The following CACNA1E variants were observed in gnomAD, a reference collection of about 807,000 sequenced individuals.
CACNA1E encodes the protein calcium voltage-gated channel subunit alpha1 E.
CACNA1E carries 40 observed loss-of-function variants against 259.2 expected under a neutral mutation model. That is an observed-to-expected ratio of 0.15 (90% CI 0.12 to 0.20). The LOEUF is 0.20. Ranked by LOEUF, CACNA1E falls within the 10% of genes least tolerant of loss-of-function variation. The pLI is 1.00. For synonymous variants in CACNA1E, 1,104 were observed against 1,138.5 expected (o/e 0.97, Z 0.61); for missense variants, 1,874 against 3,040.1 (o/e 0.62, Z 9.02).
At chr1:181,518,982 C>T (rs542863188) in intron 3 of CACNA1E, among the ~76,000 whole-genome samples, 1 of 152,288 alleles carries the variant, frequency 6.6e-6, no homozygotes. Context: ...ATTGCATTCA[C>T]TCAGGGTGAT....
chr1:181,714,573 A>G (rs1318536144), intron 8 of CACNA1E, among the ~76,000 whole-genome samples: 1 of 152,218 alleles, frequency 6.6e-6, no homozygotes, highest in Non-Finnish European at 1.5e-5. Flanking sequence ...TCTAGCCTCC[A>G]GTCCTGTGGC....
rs548461663 is a variant in CACNA1E at position 181,660,554 on chromosome 1, A to G, written c.1055+9113A>G. Among the ~76,000 whole-genome samples the G allele has an allele frequency of 3.3e-5, 5 of 152,304 alleles. No homozygotes were observed. In the East Asian group the frequency reaches 7.7e-4, roughly 23 times the overall value. ...GAATAAGACCTAGGTCTTGGCCACA[A>G]TGGGCATATTAACAACTATAACTTC... On this transcript the variant is annotated intron_variant, in intron 7 of 47. Coordinates refer to ENST00000367573, the MANE Select transcript of CACNA1E (RefSeq NM_001205293.3).
intron 2 of CACNA1E, among the ~76,000 whole-genome samples, chr1:181,414,655 A>T (rs945853983): frequency 2.0e-5 from 3 of 152,176 alleles, no homozygotes; most frequent in Admixed American, 2.0e-4. Context: ...CATTCCAAGC[A>T]CCTTACATAT....
At chr1:181,368,768 GTTTA>G (rs1654472425) in intron 1 of CACNA1E, among the ~76,000 whole-genome samples, 3 of 152,290 alleles carry the variant, frequency 2.0e-5, no homozygotes, top group Admixed American at 2.0e-4. Flanking sequence ...TTTGTTTGGT[GTTTA>G]TTTATACTGA....
At chr1:181,559,899 T>G (rs1040594627) in intron 3 of CACNA1E, among the ~76,000 whole-genome samples, 3 of 152,226 alleles carry the variant, frequency 2.0e-5, no homozygotes, top group African/African-American at 7.2e-5. Flanking sequence ...AGGCGTGGGA[T>G]GCAGAGCATC....
At chr1:181,442,383 G>A (rs532944070) in intron 2 of CACNA1E, among the ~76,000 whole-genome samples, 1 of 142,762 alleles carries the variant, frequency 7.0e-6, no homozygotes, top group African/African-American at 2.8e-5. Flanking sequence ...ACAGGTGTAA[G>A]GGGCACAGGT....
chr1:181,732,895 T>A lies in CACNA1E; in HGVS notation c.2809T>A (p.Ser937Thr). The change falls in exon 20 of 48, where the codon TCC becomes ACC. Residue 937 changes from serine (S) to threonine (T), a missense_variant. Ser to Thr is a moderately conservative substitution (Grantham distance 58, BLOSUM62 1). Transcript: ENST00000367573. The surrounding 1 kb of genome is among the most constrained non-coding windows in gnomAD (Gnocchi z 5.5). ...RTEGKESSSA[S>T]RSRSASQERS... is the part of the protein sequence containing the mutation. Reference sequence around the variant, plus strand: ...AGAAGGCAAGGAGTCCTCTTCAGCCTCCCGGAGCAGGTCTGCCAGCCAGGA... The same window carrying A: ...AGAAGGCAAGGAGTCCTCTTCAGCCACCCGGAGCAGGTCTGCCAGCCAGGA... 6.2e-7 allele frequency: 1 copy of A among 1,613,830 alleles called. No individual in the cohort carries two copies. The highest frequency in any genetic ancestry group is 1.1e-5 in the South Asian group (1 of 91,070).
At chr1:181,380,432 A>G (rs1055415819) in intron 1 of CACNA1E, among the ~76,000 whole-genome samples, 1 of 152,218 alleles carries the variant, frequency 6.6e-6, no homozygotes, top group Non-Finnish European at 1.5e-5. Context: ...AATCAATTAC[A>G]TAGAAAACAG....
At position 181,717,921 on chromosome 1, in the gene CACNA1E, G is replaced by T. The variant is rs956634472; in HGVS notation, c.1526-134G>T. 9.8e-6 allele frequency: 6 copies of T among 609,948 alleles called. No individual in the cohort carries two copies. The African/African-American group carries it at 1.1e-4, about 11-fold the overall frequency. The allele number at this position is 609,948 out of a possible 1,614,324, so 37.8% of individuals were successfully genotyped here. A position where few individuals can be genotyped will look rare whatever the true frequency, so the allele number is the denominator to read the frequency against. On this transcript the variant is annotated intron_variant, in intron 11 of 47. Coordinates refer to ENST00000367573, the MANE Select transcript of CACNA1E (RefSeq NM_001205293.3). Reference sequence around the variant, plus strand: ...CTCGGACATCATTAGGCTCTGTCCAGCCCTGGCCTGATGTGGCCACCGAAT... The same window carrying T: ...CTCGGACATCATTAGGCTCTGTCCATCCCTGGCCTGATGTGGCCACCGAAT...
In CACNA1E at chr1:181,771,319, G is replaced by C; in HGVS notation, c.4908G>C (p.Glu1636Asp). Residue 1636 changes from glutamate (E) to aspartate (D), a missense_variant, in exon 36 of 48, where the codon GAG (glutamate) becomes GAC (aspartate). Around this residue, in one of 14 missense-constraint regions of CACNA1E, gnomAD observed 147 missense variants for 337.1 expected, o/e 0.44. Coordinates refer to ENST00000367573, the MANE Select transcript of CACNA1E (RefSeq NM_001205293.3). Reference protein sequence around the residue: ...MQVFGNIKLDEESHINRHNNF... With the variant: ...MQVFGNIKLDDESHINRHNNF... The stretch of plus-strand genomic sequence containing the variant: ...TATTTGGAAACATAAAATTAGACGA[G>C]GAGAGTCACATCAACCGGCACAACA... 6.3e-7 allele frequency: 1 copy of C among 1,593,846 alleles called. No individual in the cohort carries two copies. Among genetic ancestry groups the C allele is most frequent in the Non-Finnish European group, 8.6e-7 (1 of 1,167,022 alleles).
intron 1 of CACNA1E, among the ~76,000 whole-genome samples, chr1:181,355,433 CA>C (rs1335025734): frequency 6.6e-6 from 1 of 151,942 alleles, no homozygotes; most frequent in Non-Finnish European, 1.5e-5. Context: ...ACTAAAAATA[CA>C]AAAAATAGCA....
chr1:181,755,879 G>T (rs1367006108), intron 28 of CACNA1E, 77 bp from the exon 29 acceptor site: 2 of 1,420,490 alleles, frequency 1.4e-6, no homozygotes, highest in Admixed American at 2.0e-5. Context: ...CATTATTGCG[G>T]CCTGTAGAAT....
At chr1:181,553,806 A>G (rs1194022114) in intron 3 of CACNA1E, among the ~76,000 whole-genome samples, 1 of 152,198 alleles carries the variant, frequency 6.6e-6, no homozygotes, top group Non-Finnish European at 1.5e-5. Context: ...GATTATGTTT[A>G]TTCATTTGCG....
chr1:181,677,137 T>C (rs1649456443), intron 7 of CACNA1E, among the ~76,000 whole-genome samples: 1 of 152,154 alleles, frequency 6.6e-6, no homozygotes, highest in Non-Finnish European at 1.5e-5. Flanking sequence ...TGGGCTTCTG[T>C]GGTTGTTCCT....
rs1006950885 is a variant in CACNA1E at position 181,455,430 on chromosome 1, T to C, written c.435-28314T>C. On this transcript the variant is annotated intron_variant, in intron 2 of 11. Transcript: ENST00000524607. Reference sequence around the variant, plus strand: ...TTGAGAGGATAACGTGAGAAGAGCCTTGGGAGCAAGTGTGGAGGGTCTGTT... The same window carrying C: ...TTGAGAGGATAACGTGAGAAGAGCCCTGGGAGCAAGTGTGGAGGGTCTGTT... 2.0e-5 allele frequency among the ~76,000 whole-genome samples: 3 copies of C among 152,192 alleles called. No individual in the cohort carries two copies. The East Asian group carries it at 5.8e-4, about 29-fold the overall frequency.
intron 2 of CACNA1E, among the ~76,000 whole-genome samples, chr1:181,443,838 A>G (rs1459514770): frequency 6.6e-6 from 1 of 152,244 alleles, no homozygotes; most frequent in Non-Finnish European, 1.5e-5. Context: ...TGTATATGTG[A>G]CAGCTCTCAT....
intron 1 of CACNA1E, among the ~76,000 whole-genome samples, chr1:181,374,060 C>T (rs1241897149): frequency 6.6e-6 from 1 of 152,002 alleles, no homozygotes; most frequent in Non-Finnish European, 1.5e-5. Context: ...GGTTGGTTTG[C>T]TCTTGCTTTT....
At chr1:181,779,818 GTA>G (rs1491118847) in intron 38 of CACNA1E, among the ~76,000 whole-genome samples, 1 of 59,540 alleles carries the variant, frequency 1.7e-5, no homozygotes, top group Admixed American at 2.4e-4. Context: ...ATATGCACAT[GTA>G]CACACACACA....
chr1:181,504,820 ATAAGTGAACCTATTTTTATCATTTCCC>A (rs1403258935), intron 1 of CACNA1E, among the ~76,000 whole-genome samples: 6 of 152,246 alleles, frequency 3.9e-5, no homozygotes, highest in Non-Finnish European at 1.5e-5. Context: ...AGATAAATCA[ATAAGTGAACCTATTTTTATCATTTCCC>A]TAATGATTGT....
Sources: allele counts gnomAD v4.1 joint callset (sites outside exome capture counted in the v4.1 genomes callset), GRCh38; gene constraint gnomAD v4.1.1; regional missense constraint gnomAD v4.1.1; non-coding constraint Gnocchi (gnomAD v3.1); transcripts MANE v1.5; gene names NCBI Gene and HGNC (gene_info 2026-07-23, HGNC 2026-07-21).